Variants in SNX29 observed in about 807,000 individuals in gnomAD.
SNX29 encodes the protein sorting nexin 29.
Under a neutral mutation model 102.1 loss-of-function variants are expected in SNX29, and 78 were observed. That is an observed-to-expected ratio of 0.76 (90% confidence interval 0.64 to 0.92). The LOEUF is 0.92. SNX29 is among the 40% of genes least tolerant of loss of function. The pLI is 0.00. For missense variants in SNX29, 1,280 were observed against 1,061.7 expected (o/e 1.21, Z -2.86); for synonymous variants, 580 against 414.5 (o/e 1.40, Z -4.85).
At chr16:12,319,844 A>G (rs897418979) in intron 15 of SNX29, among the ~76,000 whole-genome samples, 15 of 152,030 alleles carry the variant, frequency 9.9e-5, no homozygotes, top group Admixed American at 8.5e-4. Flanking sequence ...AGGGATGCAC[A>G]CCCTTTCTCT....
chr16:12,298,819 T>C (rs1231079897), intron 15 of SNX29, among the ~76,000 whole-genome samples: 1 of 152,122 alleles, frequency 6.6e-6, no homozygotes, highest in African/African-American at 2.4e-5. Context: ...TTAGAGTTGC[T>C]TTCACATGTG....
At chr16:12,553,536 C>A (rs1261149270) in intron 20 of SNX29, among the ~76,000 whole-genome samples, 1 of 152,128 alleles carries the variant, frequency 6.6e-6, no homozygotes, top group African/African-American at 2.4e-5. Flanking sequence ...AGGGACCCCA[C>A]AGAGCACTGC....
chr16:12,352,959 G>A (rs2082028054), intron 15 of SNX29, among the ~76,000 whole-genome samples: 1 of 152,196 alleles, frequency 6.6e-6, no homozygotes, highest in Admixed American at 6.5e-5. Context: ...ACAAGTGCCT[G>A]GTGGGGATAT....
chr16:12,441,232 C>T (rs926950337), intron 18 of SNX29, among the ~76,000 whole-genome samples: 19 of 151,752 alleles, frequency 1.3e-4, no homozygotes, highest in African/African-American at 2.7e-4. Flanking sequence ...GGACTACAGG[C>T]GCCTGCCACT....
At chr16:12,242,469 C>T (rs2078135865) in intron 14 of SNX29, among the ~76,000 whole-genome samples, 1 of 150,546 alleles carries the variant, frequency 6.6e-6, no homozygotes, top group Non-Finnish European at 1.5e-5. Context: ...TGGAAAGTGG[C>T]CATCTCTGTC....
At chr16:12,172,357 C>T (rs2076167876) in intron 13 of SNX29, among the ~76,000 whole-genome samples, 1 of 152,142 alleles carries the variant, frequency 6.6e-6, no homozygotes, top group South Asian at 2.1e-4. Flanking sequence ...GGGCTGAGAT[C>T]TGTCATTTTA....
chr16:12,144,069 C>G (rs538744666), intron 13 of SNX29, among the ~76,000 whole-genome samples: 3 of 152,282 alleles, frequency 2.0e-5, no homozygotes, highest in African/African-American at 7.2e-5. Context: ...GTGGGGCCTG[C>G]TATCCTGGAG....
At chr16:12,271,671 G>A (rs527529642) in intron 14 of SNX29, among the ~76,000 whole-genome samples, 1 of 151,414 alleles carries the variant, frequency 6.6e-6, no homozygotes, top group African/African-American at 2.4e-5. Flanking sequence ...TGCTCAGGCT[G>A]GAGTGCAGTG....
chr16:12,396,079 G>A (rs1390910403), intron 16 of SNX29, among the ~76,000 whole-genome samples: 3 of 152,176 alleles, frequency 2.0e-5, no homozygotes, highest in Non-Finnish European at 2.9e-5. Flanking sequence ...CATGTAATTA[G>A]AAGAAAAGCC....
Position 12,570,817 on chromosome 16 carries a change from G to T in SNX29, c.*2188G>T. 4.3e-6 allele frequency: 1 copy of T among 232,424 alleles called. No homozygotes were observed. Among genetic ancestry groups the T allele is most frequent in the East Asian group, 6.1e-5 (1 of 16,452 alleles). 14.4% of individuals were successfully genotyped at this position (232,424 alleles called of 1,614,324 possible). A position where few individuals can be genotyped will look rare whatever the true frequency, so the allele number is the denominator to read the frequency against. On this transcript the variant is annotated 3_prime_UTR_variant, in exon 21 of 21. Transcript: ENST00000566228. Reference sequence around the variant, plus strand: ...ATTGCTGAGAGATACTAACCCGTGAGAAACAAGTATGCTCTCAGCTGGTAT... The same window carrying T: ...ATTGCTGAGAGATACTAACCCGTGATAAACAAGTATGCTCTCAGCTGGTAT...
Position 12,069,147 on chromosome 16 carries a change from AC to A in SNX29, c.1319+18del. On this transcript the variant is annotated intron_variant, in intron 10 of 20. Transcript: ENST00000566228. ...CTTCGGTACAGGTTAATATTGAGAA[AC>A]CCAGTTGCCTGTGGCATTAAAACAT... 1.2e-6 allele frequency: 2 copies of A among 1,600,210 alleles called. No individual in the cohort carries two copies. The highest frequency in any genetic ancestry group is 1.7e-6 in the Non-Finnish European group (2 of 1,170,246).
chr16:12,082,734 G>A (rs534541753), intron 11 of SNX29, among the ~76,000 whole-genome samples: 1 of 152,260 alleles, frequency 6.6e-6, no homozygotes, highest in South Asian at 2.1e-4. Flanking sequence ...GGGTGGCTGG[G>A]ACAAGGGGCT....
intron 20 of SNX29, among the ~76,000 whole-genome samples, chr16:12,560,509 T>C (rs1009671570): frequency 1.3e-5 from 2 of 152,170 alleles, no homozygotes; most frequent in African/African-American, 4.8e-5. Context: ...ACGCCTGTCC[T>C]GCCCTCCACC....
intron 11 of SNX29, among the ~76,000 whole-genome samples, chr16:12,102,017 T>A (rs1276908065): frequency 6.6e-6 from 1 of 152,176 alleles, no homozygotes; most frequent in African/African-American, 2.4e-5. Flanking sequence ...ACATGCGGTG[T>A]TTGGTCTTTT....
At chr16:12,488,124 A>G (rs2088342386) in intron 19 of SNX29, among the ~76,000 whole-genome samples, 1 of 152,220 alleles carries the variant, frequency 6.6e-6, no homozygotes, top group African/African-American at 2.4e-5. Flanking sequence ...ATAATATCAA[A>G]TTAAAATCCA....
At chr16:11,994,540 C>G (rs774803228) in intron 1 of SNX29, among the ~76,000 whole-genome samples, 1 of 152,228 alleles carries the variant, frequency 6.6e-6, no homozygotes, top group East Asian at 1.9e-4. Context: ...TATCCCTCCT[C>G]GGCCACTTCC....
chr16:12,386,412 C>T (rs1050427588), intron 16 of SNX29, among the ~76,000 whole-genome samples: 6 of 152,194 alleles, frequency 3.9e-5, no homozygotes, highest in East Asian at 1.9e-4. Flanking sequence ...AAGCGAAGGG[C>T]AGAGAGGTGG....
intron 4 of SNX29, among the ~76,000 whole-genome samples, chr16:12,029,888 G>A (rs1428881970): frequency 6.6e-6 from 1 of 152,084 alleles, no homozygotes; most frequent in African/African-American, 2.4e-5. Flanking sequence ...CACCACGCCT[G>A]GCTGGAATTT....
chr16:12,562,698 C>G (rs183692672), intron 20 of SNX29, among the ~76,000 whole-genome samples: 5 of 152,096 alleles, frequency 3.3e-5, no homozygotes, highest in Non-Finnish European at 7.3e-5. Context: ...TCTTTGGAGT[C>G]GAGATTGAAG....
Sources: gnomAD v4.1 joint callset for allele counts (sites outside exome capture counted in the v4.1 genomes callset) on GRCh38, gnomAD v4.1.1 for gene constraint, MANE v1.5 for transcripts, NCBI Gene and HGNC (gene_info 2026-07-23, HGNC 2026-07-21) for gene names.